Variants in NAALADL2 observed in about 807,000 individuals in gnomAD.
NAALADL2 encodes the protein inactive N-acetylated-alpha-linked acidic dipeptidase-like protein 2.
NAALADL2 carries 76 observed loss-of-function variants against 87.2 expected under a neutral mutation model. The ratio of observed to expected loss-of-function variants is 0.87; its 90% confidence interval spans 0.72 to 1.05. The LOEUF is 1.05. NAALADL2 is among the 50% of genes least tolerant of loss of function. The pLI is 0.00. For missense variants in NAALADL2, 1,089 were observed against 945.8 expected (o/e 1.15, Z -1.99); for synonymous variants, 354 against 331.0 (o/e 1.07, Z -0.75).
At chr3:174,854,182 TAAG>T (rs1725590695) in intron 3 of NAALADL2, among the ~76,000 whole-genome samples, 1 of 152,200 alleles carries the variant, frequency 6.6e-6, no homozygotes, top group Non-Finnish European at 1.5e-5. Context: ...TTATACATAA[TAAG>T]AGTATTATTC....
intron 9 of NAALADL2, among the ~76,000 whole-genome samples, chr3:175,502,201 C>A (rs1010224144): frequency 6.6e-6 from 1 of 151,632 alleles, no homozygotes; most frequent in East Asian, 1.9e-4. Context: ...CTTGACTGCA[C>A]CAGATATTTG....
rs572235131 is a variant in NAALADL2 at position 174,540,603 on chromosome 3, CA to C, written c.-183-9965del. 5 of 152,364 alleles carry C rather than the reference CA, an allele frequency of 3.3e-5. No homozygotes were observed. The East Asian group carries it at 9.6e-4, about 29-fold the overall frequency. 9.4% of individuals were successfully genotyped at this position (152,364 alleles called of 1,614,324 possible). A position where few individuals can be genotyped will look rare whatever the true frequency, so the allele number is the denominator to read the frequency against. On this transcript the variant is annotated intron_variant, in intron 1 of 3. Transcript: ENST00000434257. ...GACTTCTTACGAATTTTACACACTA[CA>C]TTAGAAGCTGGCTTGTTGACAAGAA...
chr3:174,791,157 A>G (rs1329732313), intron 3 of NAALADL2, among the ~76,000 whole-genome samples: 1 of 152,202 alleles, frequency 6.6e-6, no homozygotes, highest in African/African-American at 2.4e-5. Flanking sequence ...AATTATTTTT[A>G]TTAAAACTTC....
chr3:174,836,062 T>G (rs889707585), intron 3 of NAALADL2, among the ~76,000 whole-genome samples: 1 of 152,162 alleles, frequency 6.6e-6, no homozygotes, highest in Non-Finnish European at 1.5e-5. Flanking sequence ...CATAGGAGCA[T>G]CATTCACAAT....
At chr3:175,014,027 T>C (rs1348662570) in intron 1 of NAALADL2, among the ~76,000 whole-genome samples, 2 of 152,116 alleles carry the variant, frequency 1.3e-5, no homozygotes, top group African/African-American at 4.8e-5. Context: ...CCGACCTCTG[T>C]CATTTGCCAG....
intron 2 of NAALADL2, among the ~76,000 whole-genome samples, chr3:175,228,653 A>G (rs993568939): frequency 6.6e-6 from 1 of 152,008 alleles, no homozygotes; most frequent in Non-Finnish European, 1.5e-5. Flanking sequence ...AAATCATTAA[A>G]TCAGCAGTTC....
intron 2 of NAALADL2, among the ~76,000 whole-genome samples, chr3:175,142,886 G>A (rs1256480937): frequency 6.6e-6 from 1 of 151,870 alleles, no homozygotes; most frequent in Non-Finnish European, 1.5e-5. Flanking sequence ...TTATGCTGTA[G>A]GATATTTTTG....
intron 5 of NAALADL2, among the ~76,000 whole-genome samples, chr3:175,350,835 A>G (rs1763679860): frequency 6.6e-6 from 1 of 152,192 alleles, no homozygotes; most frequent in South Asian, 2.1e-4. Flanking sequence ...GACAATTAAA[A>G]TTAAATTAAC....
At chr3:175,320,724 T>C (rs1195331771) in intron 4 of NAALADL2, among the ~76,000 whole-genome samples, 1 of 152,078 alleles carries the variant, frequency 6.6e-6, no homozygotes, top group Non-Finnish European at 1.5e-5. Context: ...GCAAATAAAC[T>C]AGAAAATCTA....
At chr3:175,667,428 G>A (rs1733347786) in intron 11 of NAALADL2, among the ~76,000 whole-genome samples, 1 of 152,030 alleles carries the variant, frequency 6.6e-6, no homozygotes, top group African/African-American at 2.4e-5. Flanking sequence ...CTTATTTATT[G>A]AAAACTTTGA....
chr3:175,491,118 C>T (rs577493715), intron 9 of NAALADL2, among the ~76,000 whole-genome samples: 1 of 150,128 alleles, frequency 6.7e-6, no homozygotes, highest in East Asian at 2.0e-4. Flanking sequence ...TTCCAACACC[C>T]CAGAGCTGCA....
chr3:175,145,531 A>G (rs1351741519), intron 2 of NAALADL2, among the ~76,000 whole-genome samples: 1 of 151,994 alleles, frequency 6.6e-6, no homozygotes, highest in African/African-American at 2.4e-5. Flanking sequence ...TTCTTCTTTC[A>G]TTTGACCTTT....
At chr3:175,303,878 T>C (rs1458855961) in intron 4 of NAALADL2, among the ~76,000 whole-genome samples, 4 of 152,188 alleles carry the variant, frequency 2.6e-5, no homozygotes, top group Non-Finnish European at 5.9e-5. Flanking sequence ...TTTCTAGAAG[T>C]TATATGAAGC....
Position 175,467,131 on chromosome 3 carries a change from T to A in NAALADL2, c.1480T>A (p.Cys494Ser), listed in dbSNP as rs770993610. ...GAGACCAGACCGAACTATTGTTTTC[T>A]GTTCTTGGGGAGGAACAGCTTTTGG... ...GWRPDRTIVFCSWGGTAFGNI... is the reference protein window; with the variant it reads ...GWRPDRTIVFSSWGGTAFGNI... Residue 494 changes from cysteine to serine, a missense_variant, in exon 8 of 14, where the codon TGT (cysteine) becomes AGT (serine). Transcript: ENST00000454872. 2 of 1,613,942 alleles carry A rather than the reference T, an allele frequency of 1.2e-6. No individual in the cohort carries two copies. The highest frequency in any genetic ancestry group is 1.7e-6 in the Non-Finnish European group (2 of 1,179,842).
intron 10 of NAALADL2, among the ~76,000 whole-genome samples, chr3:175,614,999 C>T (rs1472140523): frequency 6.6e-6 from 1 of 151,988 alleles, no homozygotes; most frequent in East Asian, 1.9e-4. Flanking sequence ...AACAAGTAAA[C>T]AACAAAACAG....
chr3:175,091,621 A>G (rs1323333681), intron 1 of NAALADL2, among the ~76,000 whole-genome samples: 2 of 152,034 alleles, frequency 1.3e-5, no homozygotes, highest in Non-Finnish European at 2.9e-5. Flanking sequence ...AATCAAGTCA[A>G]ACTTCTTTGA....
intron 11 of NAALADL2, among the ~76,000 whole-genome samples, chr3:175,689,814 AT>A (rs1736803480): frequency 1.3e-5 from 2 of 152,186 alleles, no homozygotes; most frequent in South Asian, 4.1e-4. Context: ...CAAATTTGAG[AT>A]GCTCTTTTAC....
intron 2 of NAALADL2, among the ~76,000 whole-genome samples, chr3:175,191,737 T>C (rs940911726): frequency 6.6e-6 from 1 of 152,224 alleles, no homozygotes; most frequent in African/African-American, 2.4e-5. Flanking sequence ...GGGGAGATAA[T>C]GTGTAAGGCT....
intron 2 of NAALADL2, among the ~76,000 whole-genome samples, chr3:174,583,372 C>G (rs1197893335): frequency 6.6e-6 from 1 of 152,064 alleles, no homozygotes; most frequent in Non-Finnish European, 1.5e-5. Flanking sequence ...TCTGGAAGGC[C>G]ATACAGACTT....
Sources: allele counts gnomAD v4.1 joint callset (sites outside exome capture counted in the v4.1 genomes callset), GRCh38; gene constraint gnomAD v4.1.1; transcripts MANE v1.5; gene names NCBI Gene and HGNC (gene_info 2026-07-23, HGNC 2026-07-21).